Variants in CCSER1 observed in about 807,000 individuals in gnomAD.
CCSER1 encodes serine-rich coiled-coil domain-containing protein 1.
CCSER1 carries 41 observed loss-of-function variants against 82.0 expected under a neutral mutation model. The observed-to-expected ratio is 0.50, with a 90% confidence interval of 0.39 to 0.65. CCSER1 has a LOEUF of 0.65. Ranked by LOEUF, CCSER1 falls within the 30% of genes least tolerant of loss-of-function variation. CCSER1 has a pLI of 0.00. For synonymous variants in CCSER1, 414 were observed against 383.9 expected (o/e 1.08, Z -0.92); for missense variants, 1,119 against 1,064.2 (o/e 1.05, Z -0.72).
chr4:91,542,639 T>C (rs958883149), intron 10 of CCSER1, among the ~76,000 whole-genome samples: 2 of 152,222 alleles, frequency 1.3e-5, no homozygotes, highest in African/African-American at 2.4e-5. Flanking sequence ...TCTTGAGTTC[T>C]AGCTTCATTG....
At chr4:91,035,941 C>G (rs979398064) in intron 9 of CCSER1, among the ~76,000 whole-genome samples, 2 of 152,164 alleles carry the variant, frequency 1.3e-5, no homozygotes, top group Non-Finnish European at 2.9e-5. Flanking sequence ...GACATCACCA[C>G]TTGGCTGGCT....
At chr4:91,029,412 T>C (rs549844216) in intron 9 of CCSER1, among the ~76,000 whole-genome samples, 19 of 152,114 alleles carry the variant, frequency 1.2e-4, no homozygotes, top group African/African-American at 4.1e-4. Flanking sequence ...CTAGAAATAA[T>C]CTACCCAAAT....
At chr4:91,388,696 T>C (rs1164980185) in intron 10 of CCSER1, among the ~76,000 whole-genome samples, 2 of 152,106 alleles carry the variant, frequency 1.3e-5, no homozygotes, top group Non-Finnish European at 2.9e-5. Flanking sequence ...AAAGACAGTT[T>C]TATTTCTTCC....
intron 9 of CCSER1, among the ~76,000 whole-genome samples, chr4:90,961,710 CAT>C (rs967627877): frequency 2.0e-5 from 3 of 151,820 alleles, no homozygotes; most frequent in Non-Finnish European, 4.4e-5. Context: ...AAAAATCAAA[CAT>C]ATACACTTTT....
At chr4:90,812,992 C>T (rs1404531214) in intron 7 of CCSER1, among the ~76,000 whole-genome samples, 3 of 152,098 alleles carry the variant, frequency 2.0e-5, no homozygotes, top group Non-Finnish European at 4.4e-5. Flanking sequence ...TGTCCCTGGC[C>T]CCTCCCAAAT....
chr4:91,116,686 T>C (rs1260897715), intron 10 of CCSER1, among the ~76,000 whole-genome samples: 1 of 152,214 alleles, frequency 6.6e-6, no homozygotes, highest in African/African-American at 2.4e-5. Context: ...TTTTTGTTGT[T>C]AAAGAAAATT....
rs200976407 is a variant in CCSER1, at chr4:90,312,985, G to A, written c.1447G>A (p.Glu483Lys). ...TTTGAAACCGAAAGATGGAAATATA[G>A]AAGAAGTTAATAGTTTAAGAAAGCA... ...MILKPKDGNI[E>K]EVNSLRKQRA... is the part of the protein sequence containing the mutation. Residue 483 changes from glutamate to lysine, a missense_variant, in exon 3 of 11, where the codon GAA becomes AAA. Physicochemically the swap from Glu to Lys is moderately conservative, Grantham distance 56 (BLOSUM62 1). Coordinates refer to ENST00000509176, the MANE Select transcript of CCSER1 (RefSeq NM_001145065.2). 5 of 1,602,266 alleles carry A rather than the reference G, an allele frequency of 3.1e-6. No individual in the cohort carries two copies. Among genetic ancestry groups the A allele is most frequent in the Non-Finnish European group, 4.3e-6 (5 of 1,174,886 alleles).
chr4:90,144,711 T>C (rs1429785712), intron 1 of CCSER1, among the ~76,000 whole-genome samples: 2 of 152,202 alleles, frequency 1.3e-5, no homozygotes, highest in Non-Finnish European at 2.9e-5. Flanking sequence ...AATTTTTGCT[T>C]TCACAATTAC....
chr4:90,461,213 C>G, intron 4 of CCSER1, among the ~76,000 whole-genome samples: 1 of 138,804 alleles, frequency 7.2e-6, no homozygotes, highest in Non-Finnish European at 1.5e-5. Flanking sequence ...CTACAGGCGC[C>G]CGCCACTACG....
chr4:91,587,913 CTCTTGAA>C (rs745465972), intron 10 of CCSER1, among the ~76,000 whole-genome samples: 4 of 151,446 alleles, frequency 2.6e-5, no homozygotes, highest in East Asian at 1.9e-4. Context: ...TTTAAAGCCT[CTCTTGAA>C]TCTTGAATTA....
intron 8 of CCSER1, among the ~76,000 whole-genome samples, chr4:90,884,269 G>A (rs1161169221): frequency 6.6e-6 from 1 of 151,994 alleles, no homozygotes; most frequent in African/African-American, 2.4e-5. Flanking sequence ...TTCTACAAAA[G>A]TATTTATTTT....
chr4:90,997,916 T>C (rs1319615980), intron 9 of CCSER1, among the ~76,000 whole-genome samples: 1 of 152,150 alleles, frequency 6.6e-6, no homozygotes, highest in Non-Finnish European at 1.5e-5. Context: ...GAGCATAATA[T>C]TGAAGTCCAG....
intron 9 of CCSER1, among the ~76,000 whole-genome samples, chr4:90,967,418 C>T (rs1167201129): frequency 2.0e-5 from 3 of 151,854 alleles, no homozygotes; most frequent in Non-Finnish European, 4.4e-5. Flanking sequence ...CAATTCACTC[C>T]AGCCTGGGCG....
chr4:91,348,087 G>A (rs73835157), intron 10 of CCSER1, among the ~76,000 whole-genome samples: 10,053 of 152,084 alleles, frequency 0.066, 1,102 homozygotes, highest in African/African-American at 0.23. Context: ...GTTTTTCACT[G>A]TTAAGTATGA....
At chr4:90,910,088 A>G (rs72665419) in intron 8 of CCSER1, among the ~76,000 whole-genome samples, 1 of 152,186 alleles carries the variant, frequency 6.6e-6, no homozygotes, top group Non-Finnish European at 1.5e-5. Context: ...CCTTCTTCAC[A>G]TGGTGGCAGG....
chr4:90,874,437 TAA>T (rs5860208), intron 8 of CCSER1, among the ~76,000 whole-genome samples: 4 of 150,412 alleles, frequency 2.7e-5, no homozygotes, highest in African/African-American at 2.4e-5. Context: ...TTTTTTCCCA[TAA>T]AAAAAAAATC....
chr4:90,969,577 A>AT (rs1734889780), intron 9 of CCSER1, among the ~76,000 whole-genome samples: 2 of 151,986 alleles, frequency 1.3e-5, no homozygotes. Flanking sequence ...TAAAGAAGAG[A>AT]TAAACACTTT....
chr4:91,256,773 AT>A (rs1480226869), intron 10 of CCSER1, among the ~76,000 whole-genome samples: 1 of 152,182 alleles, frequency 6.6e-6, no homozygotes, highest in Non-Finnish European at 1.5e-5. Context: ...AATTAGTGAA[AT>A]AATCAGTTGT....
chr4:91,504,063 T>C (rs1759359822), intron 10 of CCSER1, among the ~76,000 whole-genome samples: 1 of 152,190 alleles, frequency 6.6e-6, no homozygotes, highest in Non-Finnish European at 1.5e-5. Flanking sequence ...CATTGAAGTG[T>C]TGGATTATAA....
Sources: gnomAD v4.1 joint callset for allele counts (sites outside exome capture counted in the v4.1 genomes callset) on GRCh38, gnomAD v4.1.1 for gene constraint, MANE v1.5 for transcripts, NCBI Gene and HGNC (gene_info 2026-07-23, HGNC 2026-07-21) for gene names.